Variants in TIAM2 observed in about 807,000 individuals in gnomAD.
TIAM2 encodes the protein rho guanine nucleotide exchange factor TIAM2.
TIAM2 carries 80 observed loss-of-function variants against 152.9 expected under a neutral mutation model. That is an observed-to-expected ratio of 0.52 (90% CI 0.44 to 0.63). The LOEUF is 0.63. Ranked by LOEUF, TIAM2 falls within the 30% of genes least tolerant of loss-of-function variation. The pLI is 0.00. For missense variants in TIAM2, 1,965 were observed against 2,120.1 expected, an observed-to-expected ratio of 0.93 and a Z score of 1.44; for synonymous variants, 804 against 838.0, an observed-to-expected ratio of 0.96 and a Z score of 0.70.
In TIAM2 at chr6:155,179,111, A is replaced by T; in HGVS notation, c.2596A>T (p.Ile866Phe). The T allele has an allele frequency of 6.2e-7, 1 of 1,614,084 alleles. No homozygotes were observed. The highest frequency in any genetic ancestry group is 8.5e-7 in the Non-Finnish European group (1 of 1,179,998). ...AGTAGATGACAATGTTGAGTATTGC[A>T]TCCCTGCACCATATGAATATATGCA... ...KLVDDNVEYC[I>F]PAPYEYMQQQ... is the part of the protein sequence containing the mutation. Residue 866 changes from isoleucine to phenylalanine, a missense_variant, in exon 11 of 27, where the codon ATC becomes TTC. This residue lies in a region of TIAM2 where 1,025 missense variants were observed against 1,119.4 expected (regional missense o/e 0.92). Transcript: ENST00000682666.
chr6:155,177,116 T>C, intron 10 of TIAM2, 139 bp downstream of exon 10: 1 of 754,104 alleles, frequency 1.3e-6, no homozygotes, highest in Non-Finnish European at 2.0e-6. Flanking sequence ...TATTAGTTAA[T>C]ATATTTATTA....
Position 155,129,539 on chromosome 6 carries a change from A to G in TIAM2, c.316A>G (p.Ile106Val). The G allele has an allele frequency of 1.2e-6, 2 of 1,614,050 alleles. No homozygotes were observed. Among genetic ancestry groups the G allele is most frequent in the East Asian group, 4.5e-5 (2 of 44,886 alleles). Residue 106 changes from isoleucine (I) to valine (V), a missense_variant, in exon 4 of 27, where the codon ATC becomes GTC. Physicochemically the swap from Ile to Val is conservative, Grantham distance 29. Transcript: ENST00000682666. This position sits in a 1 kb window ranked among gnomAD's most constrained non-coding sequence, Gnocchi z 4.8. ...TGCCCCAGGGAAGGATTTCCAGGGC[A>G]TCAGTGCTGCTTTCTCAACTGAGAA... ...TNAPGKDFQGISAAFSTENGF... is the reference protein window; with the variant it reads ...TNAPGKDFQGVSAAFSTENGF...
chr6:155,001,293 G>A (rs762059365), intron 1 of TIAM2, among the ~76,000 whole-genome samples: 4 of 152,156 alleles, frequency 2.6e-5, no homozygotes, highest in African/African-American at 7.2e-5. Context: ...CCAAGTTCAC[G>A]TAGTTTGAAA....
At chr6:155,192,395 A>G (rs987682835) in intron 14 of TIAM2, among the ~76,000 whole-genome samples, 5 of 152,110 alleles carry the variant, frequency 3.3e-5, no homozygotes, top group African/African-American at 1.2e-4. Flanking sequence ...ATAATCCACT[A>G]TTGTCATTAC....
intron 22 of TIAM2, among the ~76,000 whole-genome samples, chr6:155,251,401 C>G (rs1783646275): frequency 6.6e-6 from 1 of 152,188 alleles, no homozygotes; most frequent in Non-Finnish European, 1.5e-5. Context: ...ATTCCCCTGC[C>G]TAAGCCTCCT....
intron 15 of TIAM2, among the ~76,000 whole-genome samples, chr6:155,235,404 A>G (rs1488101991): frequency 6.6e-6 from 1 of 152,202 alleles, no homozygotes; most frequent in Non-Finnish European, 1.5e-5. Context: ...TCTGACTCTC[A>G]TCTGTGCTTT....
Position 155,066,722 on chromosome 6 carries a change from T to C in TIAM2, c.-208-23567T>C, listed in dbSNP as rs191287246. Reference sequence around the variant, plus strand: ...ATACCTTCCTGATAGCTAACTGCTATGTTGAAGGAAAGATTTGTTGATTAC... The same window carrying C: ...ATACCTTCCTGATAGCTAACTGCTACGTTGAAGGAAAGATTTGTTGATTAC... On this transcript the variant is annotated intron_variant, in intron 1 of 26. Coordinates refer to ENST00000682666, the MANE Select transcript of TIAM2 (RefSeq NM_012454.4). 1.1e-3 allele frequency among the ~76,000 whole-genome samples: 169 copies of C among 152,308 alleles called. 1 individual carries two copies. The highest frequency in any genetic ancestry group is 4.0e-3 in the African/African-American group (167 of 41,564).
rs1453624014 is a variant in TIAM2, at chr6:155,064,887, C to T, written c.-208-25402C>T. On this transcript the variant is annotated intron_variant, in intron 1 of 26. Coordinates refer to ENST00000682666, the MANE Select transcript of TIAM2 (RefSeq NM_012454.4). Reference sequence around the variant, plus strand: ...GTCCACCCTTTTCCCTTCCTTTCTCCCCTCCTCTCTCCTCTCCTCTTCCCC... The same window carrying T: ...GTCCACCCTTTTCCCTTCCTTTCTCTCCTCCTCTCTCCTCTCCTCTTCCCC... 2.6e-5 allele frequency among the ~76,000 whole-genome samples: 4 copies of T among 152,012 alleles called. No individual in the cohort carries two copies. The East Asian group carries it at 7.7e-4, about 29-fold the overall frequency.
At chr6:155,252,700 T>C (rs3011897) in intron 23 of TIAM2, among the ~76,000 whole-genome samples, 70,663 of 152,036 alleles carry the variant, frequency 0.46, 16,971 homozygotes, top group Middle Eastern at 0.55. Context: ...GCGTGGAAGC[T>C]TTGGCTGCTG....
intron 1 of TIAM2, among the ~76,000 whole-genome samples, chr6:154,996,804 A>G (rs140021759): frequency 4.6e-5 from 7 of 152,320 alleles, no homozygotes; most frequent in Non-Finnish European, 1.0e-4. Flanking sequence ...GCAGTTTTGT[A>G]AGCAAACTTT....
chr6:155,196,853 A>G (rs1781357439), intron 14 of TIAM2, among the ~76,000 whole-genome samples: 1 of 152,210 alleles, frequency 6.6e-6, no homozygotes. Flanking sequence ...AAATTATCCA[A>G]TCTCATATAA....
rs138205488 is a variant in TIAM2 at position 155,253,021 on chromosome 6, C to T, written c.4193C>T (p.Ser1398Phe). 9.3e-6 allele frequency: 15 copies of T among 1,614,064 alleles called. No individual in the cohort carries two copies. The African/African-American group carries it at 1.9e-4, about 20-fold the overall frequency. ...AAATTCCGCTGGTTGATCCCCATCT[C>T]CGCGCTTCAAGTCAGACTGGGGAAT... ...PFKFRWLIPI[S>F]ALQVRLGNPA... Residue 1398 changes from serine to phenylalanine, a missense_variant, in exon 24 of 27, where the codon TCC (serine) becomes TTC (phenylalanine). Around this residue, in one of 3 missense-constraint regions of TIAM2, gnomAD observed 935 missense variants for 980.0 expected, o/e 0.95. Coordinates refer to ENST00000682666, the MANE Select transcript of TIAM2 (RefSeq NM_012454.4).
At chr6:155,079,619 C>T (rs1478452429) in intron 1 of TIAM2, among the ~76,000 whole-genome samples, 1 of 152,196 alleles carries the variant, frequency 6.6e-6, no homozygotes, top group African/African-American at 2.4e-5. Context: ...GGAGCTGACT[C>T]TTTATGGATC....
chr6:155,232,113 A>G (rs1367794654), intron 15 of TIAM2, among the ~76,000 whole-genome samples: 1 of 151,948 alleles, frequency 6.6e-6, no homozygotes, highest in Non-Finnish European at 1.5e-5. Flanking sequence ...AAAAACAAAA[A>G]CTGGGGAAGT....
intron 1 of TIAM2, among the ~76,000 whole-genome samples, chr6:155,043,721 C>T (rs1170212140): frequency 1.3e-5 from 2 of 151,940 alleles, no homozygotes; most frequent in Non-Finnish European, 2.9e-5. Flanking sequence ...CCCCCACTCC[C>T]AGTGATTCTG....
intron 1 of TIAM2, among the ~76,000 whole-genome samples, chr6:155,059,877 G>A (rs933989538): frequency 2.0e-5 from 3 of 152,178 alleles, no homozygotes; most frequent in Admixed American, 6.6e-5. Context: ...CAAGTGGAGA[G>A]TATTTAGCTC....
chr6:155,169,652 A>G (rs1437261538), intron 9 of TIAM2, among the ~76,000 whole-genome samples: 1 of 152,140 alleles, frequency 6.6e-6, no homozygotes, highest in Non-Finnish European at 1.5e-5. Flanking sequence ...GAGCCTGAGT[A>G]ATGTCTCCTC....
intron 15 of TIAM2, among the ~76,000 whole-genome samples, chr6:155,211,610 G>T (rs1218778267): frequency 6.6e-6 from 1 of 151,752 alleles, no homozygotes; most frequent in Non-Finnish European, 1.5e-5. Context: ...ATTTTGACAA[G>T]GAAAACCTTG....
rs1554236333 is a variant in TIAM2, at chr6:155,164,133, G to GTTTTTGT, written c.2029-277_2029-276insGTTTTTT. On this transcript the variant is annotated intron_variant, in intron 7 of 26. Transcript: ENST00000682666. ...TGGCACCACACCAGCTAATTTTTGT[G>GTTTTTGT]TTTTTTTTTTTTCTTTTTTTTAGTA... Among the ~76,000 whole-genome samples the GTTTTTGT allele has an allele frequency of 1.0e-4, 12 of 118,006 alleles. 1 individual carries two copies. Among genetic ancestry groups the GTTTTTGT allele is most frequent in the African/African-American group, 3.5e-4 (12 of 34,042 alleles). The allele number at this position is 118,006 out of a possible 152,430, so 77.4% of individuals were successfully genotyped here.
Sources: allele counts gnomAD v4.1 joint callset (sites outside exome capture counted in the v4.1 genomes callset), GRCh38; gene constraint gnomAD v4.1.1; regional missense constraint gnomAD v4.1.1; non-coding constraint Gnocchi (gnomAD v3.1); transcripts MANE v1.5; gene names NCBI Gene and HGNC (gene_info 2026-07-23, HGNC 2026-07-21).